Variants in GPHN observed in about 807,000 individuals in gnomAD.
The protein encoded by GPHN is gephyrin.
In GPHN, 17 loss-of-function variants were observed where a neutral mutation model predicts 95.5. The ratio of observed to expected loss-of-function variants is 0.18; its 90% CI spans 0.12 to 0.27. GPHN has a LOEUF of 0.27. Ranked by LOEUF, GPHN falls within the 10% of genes least tolerant of loss-of-function variation. The pLI, the probability that GPHN is intolerant of heterozygous loss-of-function variation, is 1.00. For missense variants in GPHN, 660 were observed against 978.1 expected (o/e 0.67, Z 4.34); for synonymous variants, 320 against 322.5 (o/e 0.99, Z 0.08).
At chr14:67,262,522 T>G in the GPHN span, among the ~76,000 whole-genome samples, 1 of 152,140 alleles carries the variant, frequency 6.6e-6, no homozygotes, top group Non-Finnish European at 1.5e-5. Flanking sequence ...TTGTTTGAAG[T>G]GATCACTTTT....
intron 4 of GPHN, among the ~76,000 whole-genome samples, chr14:66,869,883 A>G (rs1459368996): frequency 6.6e-6 from 1 of 152,236 alleles, no homozygotes; most frequent in Admixed American, 6.5e-5. Flanking sequence ...TCTAATTCAC[A>G]TAGCAAAACT....
chr14:66,697,015 G>A (rs908218058), intron 2 of GPHN, among the ~76,000 whole-genome samples: 1 of 152,136 alleles, frequency 6.6e-6, no homozygotes, highest in Non-Finnish European at 1.5e-5. Context: ...TTGTGGGAAA[G>A]TAATGACTTA....
At chr14:66,758,091 A>G (rs771715990) in intron 2 of GPHN, among the ~76,000 whole-genome samples, 7 of 152,186 alleles carry the variant, frequency 4.6e-5, no homozygotes, top group Non-Finnish European at 8.8e-5. Context: ...TGAAGACACC[A>G]CTCAAAGGTG....
chr14:66,947,303 G>A (rs2067817512), intron 8 of GPHN, among the ~76,000 whole-genome samples: 1 of 152,188 alleles, frequency 6.6e-6, no homozygotes, highest in South Asian at 2.1e-4. Context: ...AAGGAATTCT[G>A]TGATCCACAC....
At chr14:67,573,979 C>A in the GPHN span, 1 of 921,414 alleles carries the variant, frequency 1.1e-6, no homozygotes. This position sits in a 1 kb window ranked among gnomAD's most constrained non-coding sequence, Gnocchi z 4.8. Context: ...GCCAAATGAG[C>A]ATGAATGAAA....
chr14:67,543,018 A>G, the GPHN span, among the ~76,000 whole-genome samples: 1 of 152,346 alleles, frequency 6.6e-6, no homozygotes, highest in South Asian at 2.1e-4. Context: ...GCTGGAAGAT[A>G]CATTCTAAAC....
At chr14:67,674,539 C>T in the GPHN span, 4 of 1,486,140 alleles carry the variant, frequency 2.7e-6, no homozygotes, top group African/African-American at 2.9e-5. Flanking sequence ...GGCCCTGGGC[C>T]CTTTCCTAGC....
At chr14:66,597,853 C>G (rs1000906636) in intron 1 of GPHN, among the ~76,000 whole-genome samples, 2 of 152,244 alleles carry the variant, frequency 1.3e-5, no homozygotes, top group Non-Finnish European at 2.9e-5. Context: ...GGCGTTATTT[C>G]CAATAGCCAA....
intron 6 of GPHN, among the ~76,000 whole-genome samples, chr14:66,921,105 T>A (rs1009051890): frequency 7.2e-5 from 11 of 152,202 alleles, no homozygotes; most frequent in Non-Finnish European, 1.5e-4. Flanking sequence ...TTCCTCTGGG[T>A]AGATACCCAG....
intron 5 of GPHN, among the ~76,000 whole-genome samples, chr14:66,898,466 TAAA>T (rs59434196): frequency 6.5e-5 from 6 of 91,746 alleles, no homozygotes; most frequent in East Asian, 4.5e-4. Context: ...GCTACTTGTT[TAAA>T]AAAAAAAAAA....
rs142133411 is a variant in GPHN at position 67,004,130 on chromosome 14, T to A, written c.964-19503T>A. 2.0e-5 allele frequency among the ~76,000 whole-genome samples: 3 copies of A among 151,912 alleles called. No individual in the cohort carries two copies. In the East Asian group the frequency reaches 5.8e-4, roughly 29 times the overall value. On this transcript the variant is annotated intron_variant, in intron 9 of 22. Coordinates refer to ENST00000478722, the MANE Select transcript of GPHN (RefSeq NM_020806.5). Reference sequence around the variant, plus strand: ...GAATGTAAAAACAGAATTTTTCAGGTACAGTATGAGAGGAATTATATCTTG... The same window carrying A: ...GAATGTAAAAACAGAATTTTTCAGGAACAGTATGAGAGGAATTATATCTTG...
intron 2 of GPHN, among the ~76,000 whole-genome samples, chr14:66,705,414 C>T (rs572366022): frequency 6.6e-6 from 1 of 152,246 alleles, no homozygotes; most frequent in East Asian, 1.9e-4. Context: ...CAAAAATCAT[C>T]GATAAAATAC....
intron 1 of GPHN, among the ~76,000 whole-genome samples, chr14:66,606,925 A>G (rs2062562280): frequency 6.6e-6 from 1 of 151,884 alleles, no homozygotes; most frequent in Admixed American, 6.6e-5. Flanking sequence ...ATTTGAATGT[A>G]TTTTATTTCT....
intron 4 of GPHN, among the ~76,000 whole-genome samples, chr14:66,865,669 G>T (rs1016774230): frequency 6.6e-6 from 1 of 151,970 alleles, no homozygotes; most frequent in African/African-American, 2.4e-5. Context: ...CGCATTTATT[G>T]TTCCTGATTT....
At chr14:67,623,386 CT>C in the GPHN span, among the ~76,000 whole-genome samples, 1 of 152,112 alleles carries the variant, frequency 6.6e-6, no homozygotes, top group Non-Finnish European at 1.5e-5. Context: ...TGTTCCTTGC[CT>C]TTGCTCTGAT....
intron 1 of GPHN, among the ~76,000 whole-genome samples, chr14:66,612,282 T>G (rs1184932233): frequency 4.0e-5 from 6 of 151,894 alleles, no homozygotes; most frequent in Non-Finnish European, 8.8e-5. Context: ...TTCTTTTTAA[T>G]TTTTTTGTAT....
chr14:67,619,719 C>G, the GPHN span: 1 of 408,776 alleles, frequency 2.4e-6, no homozygotes, highest in Middle Eastern at 6.6e-4. Flanking sequence ...GGGCATGTCC[C>G]TGGCCGGAGA....
intron 12 of GPHN, among the ~76,000 whole-genome samples, chr14:67,095,113 T>G (rs1388736055): frequency 2.0e-5 from 3 of 152,224 alleles, no homozygotes; most frequent in African/African-American, 7.2e-5. Context: ...TTAGATAGAT[T>G]GATACTTATT....
intron 11 of GPHN, among the ~76,000 whole-genome samples, chr14:67,062,506 G>C (rs2075864157): frequency 1.3e-5 from 2 of 152,106 alleles, no homozygotes; most frequent in African/African-American, 4.8e-5. Flanking sequence ...TGTCTAAGAA[G>C]GTTCAATAAT....
Sources: gnomAD v4.1 joint callset for allele counts (sites outside exome capture counted in the v4.1 genomes callset) on GRCh38, gnomAD v4.1.1 for gene constraint, Gnocchi (gnomAD v3.1) non-coding constraint, MANE v1.5 for transcripts, NCBI Gene and HGNC (gene_info 2026-07-23, HGNC 2026-07-21) for gene names.